Variants in SHC1 observed in about 807,000 individuals in gnomAD.
SHC1 encodes the protein SHC-transforming protein 1.
Under a neutral mutation model 55.9 loss-of-function variants are expected in SHC1, and 30 were observed. The ratio of observed to expected loss-of-function variants is 0.54; its 90% CI spans 0.40 to 0.73. The LOEUF (loss-of-function observed/expected upper bound fraction) is 0.73. Among genes scored for constraint, SHC1 ranks in the 30% least tolerant of loss-of-function variants. The probability of loss-of-function intolerance (pLI) is 0.00; values close to 1 mark genes in which losing one functional copy is unlikely to be tolerated. For missense variants in SHC1, 675 were observed against 777.1 expected, an observed-to-expected ratio of 0.87 and a Z score of 1.56; for synonymous variants, 309 against 306.1, an observed-to-expected ratio of 1.01 and a Z score of -0.10.
chr1:154,972,651 G>A (rs1298311508), upstream of SHC1, among the ~76,000 whole-genome samples: 10 of 152,278 alleles, frequency 6.6e-5, no homozygotes, highest in East Asian at 1.5e-3. Flanking sequence ...AAAGAAAGAC[G>A]TATGACTCTT....
chr1:154,972,934 A>G (rs975248479), upstream of SHC1, among the ~76,000 whole-genome samples: 2 of 152,044 alleles, frequency 1.3e-5, no homozygotes, highest in African/African-American at 4.8e-5. Context: ...AAAATCAAAC[A>G]ACAAAAAGAG....
chr1:154,963,859 T>C lies in SHC1; in HGVS notation c.1699A>G (p.Ile567Val). The C allele has an allele frequency of 1.2e-6, 2 of 1,614,120 alleles. No individual in the cohort carries two copies. The highest frequency in any genetic ancestry group is 8.5e-7 in the Non-Finnish European group (1 of 1,179,942). The stretch of plus-strand genomic sequence containing the variant: ...CACAGTTCGCTGCCCGCAGAGATGA[T>C]GGGCAAGTGATTGTCCATGTGGTAG... ...ISYHMDNHLP[I>V]ISAGSELCLQ... The change falls in exon 12 of 12, where the codon ATC becomes GTC. Residue 567 changes from isoleucine to valine, a missense_variant. Coordinates refer to ENST00000448116, the MANE Select transcript of SHC1 (RefSeq NM_001130040.2).
chr1:154,966,482 T>C lies in SHC1; in HGVS notation c.1019A>G (p.Glu340Gly). The change falls in exon 8 of 12, where the codon GAG (glutamate) becomes GGG (glycine). Residue 340 changes from glutamate (E) to glycine (G), a missense_variant. Glu to Gly is a moderately conservative substitution (Grantham distance 98, BLOSUM62 -2). Coordinates refer to ENST00000448116, the MANE Select transcript of SHC1 (RefSeq NM_001130040.2). ...CTGATGGTCAGGTGGCTCTTCCTCC[T>C]CCTCATCCCATGCTGAGCCATCAAA... ...AGFDGSAWDEEEEEPPDHQYY... is the reference protein window; with the variant it reads ...AGFDGSAWDEGEEEPPDHQYY... 1 of 1,608,390 alleles carries C rather than the reference T, an allele frequency of 6.2e-7. No individual in the cohort carries two copies. Among genetic ancestry groups the C allele is most frequent in the Non-Finnish European group, 8.5e-7 (1 of 1,176,794 alleles).
chr1:154,965,490 G>T, intron 11 of SHC1, 53 bp downstream of exon 11: 1 of 1,613,924 alleles, frequency 6.2e-7, no homozygotes. Flanking sequence ...TACACTGTAG[G>T]GTACTGTACC....
In SHC1 at chr1:154,965,573, C is replaced by T. The variant is rs1655846686; in HGVS notation, c.1596G>A (p.Lys532=). 1 of 1,614,072 alleles carries T rather than the reference C, an allele frequency of 6.2e-7. No individual in the cohort carries two copies. Among genetic ancestry groups the T allele is most frequent in the South Asian group, 1.1e-5 (1 of 91,090 alleles). Residue 532 remains lysine, a synonymous_variant, in exon 11 of 12, where the codon AAG becomes AAA. Coordinates refer to ENST00000448116, the MANE Select transcript of SHC1 (RefSeq NM_001130040.2). ...VLTGLQSGQP[K]HLLLVDPEGV... is the part of the protein sequence containing the mutation. ...CCTCAGGGTCCACCAGTAGCAAATG[C>T]TTAGGCTGCCCACTCTGCAAGCCAG...
chr1:154,965,942 T>C lies in SHC1; in HGVS notation c.1387+4A>G. ...ATGCAGAGAGGAGAGAGACGAGCACTCACTCATGTCAAACAGGTCCCGGGG... is the reference window on the plus strand; with the variant it reads ...ATGCAGAGAGGAGAGAGACGAGCACCCACTCATGTCAAACAGGTCCCGGGG... On this transcript the variant is annotated splice_donor_region_variant and intron_variant, in intron 10 of 11. Coordinates refer to ENST00000448116, the MANE Select transcript of SHC1 (RefSeq NM_001130040.2). The C allele has an allele frequency of 6.2e-7, 1 of 1,607,408 alleles. No individual in the cohort carries two copies. Among genetic ancestry groups the C allele is most frequent in the Non-Finnish European group, 8.5e-7 (1 of 1,175,106 alleles).
In SHC1 at chr1:154,966,492, A is replaced by T; in HGVS notation, c.1009T>A (p.Trp337Arg). ...GGTGGCTCTTCCTCCTCCTCATCCC[A>T]TGCTGAGCCATCAAAGCCAGCCATC... is the stretch of plus-strand genomic sequence containing the variant. ...DRMAGFDGSA[W>R]DEEEEEPPDH... Residue 337 changes from tryptophan (W) to arginine (R), a missense_variant, in exon 8 of 12, where the codon TGG becomes AGG. Around this residue, in one of 3 missense-constraint regions of SHC1, gnomAD observed 360 missense variants for 371.1 expected, o/e 0.97. Transcript: ENST00000448116. 1 of 1,602,530 alleles carries T rather than the reference A, an allele frequency of 6.2e-7. No homozygotes were observed. The highest frequency in any genetic ancestry group is 1.1e-5 in the South Asian group (1 of 89,342).
In SHC1 at chr1:154,970,090, C is replaced by T. The variant is rs1194129820; in HGVS notation, c.437G>A (p.Arg146Gln). 3.1e-6 allele frequency: 5 copies of T among 1,614,008 alleles called. No homozygotes were observed. Among genetic ancestry groups the T allele is most frequent in the East Asian group, 2.2e-5 (1 of 44,888 alleles). Reference protein sequence around the residue: ...RHGSFVNKPTRGWLHPNDKVM... With the variant: ...RHGSFVNKPTQGWLHPNDKVM... ...TTTGTCGTTGGGATGCAGCCAGCCCCGCGTGGGCTTATTGACAAAGCTCCC... is the reference window on the plus strand; with the variant it reads ...TTTGTCGTTGGGATGCAGCCAGCCCTGCGTGGGCTTATTGACAAAGCTCCC... The change falls in exon 1 of 12, where the codon CGG (arginine) becomes CAG (glutamine). Residue 146 changes from arginine to glutamine, a missense_variant. Around this residue, in one of 3 missense-constraint regions of SHC1, gnomAD observed 159 missense variants for 246.9 expected, o/e 0.64. Coordinates refer to ENST00000448116, the MANE Select transcript of SHC1 (RefSeq NM_001130040.2). The surrounding 1 kb of genome is among the most constrained non-coding windows in gnomAD (Gnocchi z 5.5).
In SHC1 at chr1:154,969,237, C is replaced by A. The variant is rs1428503714; in HGVS notation, c.566+141G>T. 13 of 665,620 alleles carry A rather than the reference C, an allele frequency of 2.0e-5. No homozygotes were observed. In the East Asian group the frequency reaches 3.5e-4, roughly 18 times the overall value. 41.2% of individuals were successfully genotyped at this position (665,620 alleles called of 1,614,324 possible). ...CTCCTTTCAGTAAGAGGCGGAATCA[C>A]TACCTCAGCTTTCTCTCAATCCCCT... On this transcript the variant is annotated intron_variant, in intron 2 of 11. Transcript: ENST00000448116.
chr1:154,967,703 C>G lies in SHC1; in HGVS notation c.951G>C (p.Arg317Ser). 6.2e-7 allele frequency: 1 copy of G among 1,613,874 alleles called. No individual in the cohort carries two copies. Among genetic ancestry groups the G allele is most frequent in the Admixed American group, 1.7e-5 (1 of 59,990 alleles). ...AFELRFKQYL[R>S]NPPKLVTPHD... ...GAGGGGTGACCAGTTTGGGTGGGTT[C>G]CTGAGGTATTGTTTGAAGCGCAACT... The change falls in exon 7 of 12, where the codon AGG becomes AGC. Residue 317 changes from arginine to serine, a missense_variant. Physicochemically the swap from Arg to Ser is moderately radical, Grantham distance 110. Coordinates refer to ENST00000448116, the MANE Select transcript of SHC1 (RefSeq NM_001130040.2).
Position 154,969,447 on chromosome 1 carries a change from T to A in SHC1, c.497A>T (p.Tyr166Phe). The A allele has an allele frequency of 6.2e-7, 1 of 1,609,572 alleles. No homozygotes were observed. The highest frequency in any genetic ancestry group is 1.1e-5 in the South Asian group (1 of 90,484). ...MGPGVSYLVR[Y>F]MGCVEVLQSM... ...CTGGAGGACCTCCACACAACCCATG[T>A]ACTAAGGGGAGGGAGAAGAGGACAG... is the stretch of plus-strand genomic sequence containing the variant. Residue 166 changes from tyrosine (Y) to phenylalanine (F), a missense_variant and splice_region_variant, in exon 2 of 12, where the codon TAC becomes TTC. Tyr to Phe is a conservative substitution (Grantham distance 22, BLOSUM62 3). This residue lies in a region of SHC1 where 159 missense variants were observed against 246.9 expected (regional missense o/e 0.64). Coordinates refer to ENST00000448116, the MANE Select transcript of SHC1 (RefSeq NM_001130040.2).
intron 11 of SHC1, among the ~76,000 whole-genome samples, chr1:154,964,819 G>A (rs999763866): frequency 1.3e-5 from 2 of 152,224 alleles, no homozygotes; most frequent in African/African-American, 2.4e-5. Flanking sequence ...AGAAAGCACA[G>A]TGGTCTGAGT....
intron 11 of SHC1, among the ~76,000 whole-genome samples, chr1:154,964,739 T>A (rs889555102): frequency 4.6e-5 from 7 of 152,214 alleles, no homozygotes; most frequent in African/African-American, 1.7e-4. Flanking sequence ...ATGTTGGGAT[T>A]ACAGGCATGA....
At chr1:154,965,013 T>C (rs1655759549) in intron 11 of SHC1, among the ~76,000 whole-genome samples, 1 of 152,120 alleles carries the variant, frequency 6.6e-6, no homozygotes, top group Admixed American at 6.5e-5. Context: ...GCTTGGGGAT[T>C]TGAGGACGGG....
At chr1:154,973,259 C>G (rs1168002176), upstream of SHC1, 1 of 152,258 alleles carries the variant, frequency 6.6e-6, no homozygotes, top group East Asian at 1.9e-4. Context: ...GCCTGTAATC[C>G]TAACACTTAA....
In SHC1 at chr1:154,970,175, C is replaced by T. The variant is rs766258840; in HGVS notation, c.352G>A (p.Gly118Ser). Reference sequence around the variant, plus strand: ...CCTTCCACCCGAGTCCTGCGCCCGCCGCCTCCACTCAGCTTGTTCATGTCC... The same window carrying T: ...CCTTCCACCCGAGTCCTGCGCCCGCTGCCTCCACTCAGCTTGTTCATGTCC... Reference protein sequence around the residue: ...LQDMNKLSGGGGRRTRVEGGQ... With the variant: ...LQDMNKLSGGSGRRTRVEGGQ... The change falls in exon 1 of 12, where the codon GGC (glycine) becomes AGC (serine). Residue 118 changes from glycine (G) to serine (S), a missense_variant. Physicochemically the swap from Gly to Ser is moderately conservative, Grantham distance 56 (BLOSUM62 0). Around this residue, in one of 3 missense-constraint regions of SHC1, gnomAD observed 156 missense variants for 159.1 expected, o/e 0.98. Coordinates refer to ENST00000448116, the MANE Select transcript of SHC1 (RefSeq NM_001130040.2). The surrounding 1 kb of genome is among the most constrained non-coding windows in gnomAD (Gnocchi z 5.5). The T allele has an allele frequency of 3.7e-6, 6 of 1,613,692 alleles. No homozygotes were observed. Among genetic ancestry groups the T allele is most frequent in the South Asian group, 1.1e-5 (1 of 91,080 alleles).
In SHC1 at chr1:154,965,833, A is replaced by G. The variant is rs1327204430; in HGVS notation, c.1388-52T>C. On this transcript the variant is annotated intron_variant, in intron 10 of 11. Transcript: ENST00000448116. ...GAAGTAGCAGGCACAACACACACCC[A>G]AGACCCAGACTTCAGGGAAGGGAAG... The G allele has an allele frequency of 5.1e-6, 8 of 1,579,738 alleles. No individual in the cohort carries two copies. The Admixed American group carries it at 5.1e-5, about 10-fold the overall frequency.
chr1:154,964,237 G>A, intron 11 of SHC1: 1 of 499,742 alleles, frequency 2.0e-6, no homozygotes. Flanking sequence ...TATACACAGT[G>A]CAAAAAAAGA....
At chr1:154,966,553 G>A in intron 7 of SHC1, 36 bp from the exon 8 acceptor site, 1 of 1,435,752 alleles carries the variant, frequency 7.0e-7, no homozygotes, top group Non-Finnish European at 9.5e-7. Flanking sequence ...GGCTGTAAAT[G>A]TGTGGTGGGC....
Sources: gnomAD v4.1 joint callset for allele counts (sites outside exome capture counted in the v4.1 genomes callset) on GRCh38, gnomAD v4.1.1 for gene constraint, gnomAD v4.1.1 regional missense constraint, Gnocchi (gnomAD v3.1) non-coding constraint, MANE v1.5 for transcripts, NCBI Gene and HGNC (gene_info 2026-07-23, HGNC 2026-07-21) for gene names.